TESMIN: variants seen among roughly 807,000 people sequenced by gnomAD.
The protein encoded by TESMIN is CXC domain containing 2.
Under a neutral mutation model 47.4 loss-of-function variants are expected in TESMIN, and 34 were observed. The observed-to-expected ratio is 0.72, with a 90% CI of 0.55 to 0.96. The LOEUF is 0.96. Ranked by LOEUF, TESMIN falls within the 40% of genes least tolerant of loss-of-function variation. The pLI is 0.00. For missense variants in TESMIN, 610 were observed against 637.2 expected, an observed-to-expected ratio of 0.96 and a Z score of 0.46; for synonymous variants, 278 against 258.9, an observed-to-expected ratio of 1.07 and a Z score of -0.71.
chr11:68,725,190 C>T (rs1021006985), intron 6 of TESMIN, among the ~76,000 whole-genome samples: 8 of 152,184 alleles, frequency 5.3e-5, no homozygotes, highest in African/African-American at 1.9e-4. Context: ...GCTGACGGGG[C>T]TGCACTGCAG....
chr11:68,736,192 A>G (rs998261167), intron 6 of TESMIN: 1 of 985,366 alleles, frequency 1.0e-6, no homozygotes, highest in Non-Finnish European at 1.2e-6. Context: ...AGCATCAACA[A>G]TGTGTCAGAA....
chr11:68,715,977 C>T (rs550756642), intron 6 of TESMIN, 38 bp from the exon 7 acceptor site: 22 of 1,355,664 alleles, frequency 1.6e-5, no homozygotes, highest in Admixed American at 3.4e-5. Flanking sequence ...CAGGCACAGA[C>T]GGCACAGTGA....
Position 68,710,906 on chromosome 11 carries a change from T to A in TESMIN, c.1302A>T (p.Lys434Asn), listed in dbSNP as rs769636925. ...LEGSHYLPPT[K>N]FSGLPRFSHD... ...GACTGAATCTTGGAAGTCCTGAAAA[T>A]TTCGTTGGTGGCAGGTAATGGCTGC... The change falls in exon 9 of 10, where the codon AAA becomes AAT. Residue 434 changes from lysine to asparagine, a missense_variant. By Grantham distance (94) the Lys-to-Asn change is moderately conservative. Transcript: ENST00000255087. The A allele has an allele frequency of 6.2e-7, 1 of 1,613,548 alleles. No homozygotes were observed. Among genetic ancestry groups the A allele is most frequent in the Non-Finnish European group, 8.5e-7 (1 of 1,179,912 alleles).
chr11:68,706,508 C>T (rs571373494), downstream of TESMIN, among the ~76,000 whole-genome samples: 9 of 152,346 alleles, frequency 5.9e-5, no homozygotes, highest in East Asian at 7.7e-4. Flanking sequence ...CCTAGGCAGC[C>T]GTTGCCTCAG....
intron 6 of TESMIN, chr11:68,733,582 A>C (rs1281343619): frequency 6.6e-6 from 1 of 152,190 alleles, no homozygotes; most frequent in Non-Finnish European, 1.5e-5. Context: ...GTTTCTCTAG[A>C]CTATGCTCCA....
chr11:68,708,064 G>A lies in TESMIN; in HGVS notation c.*244C>T, dbSNP rs1340163513. 3.9e-6 allele frequency: 2 copies of A among 509,672 alleles called. No individual in the cohort carries two copies. Among genetic ancestry groups the A allele is most frequent in the South Asian group, 2.1e-5 (1 of 46,998 alleles). The allele number at this position is 509,672 out of a possible 1,614,324, so 31.6% of individuals were successfully genotyped here. A position where few individuals can be genotyped will look rare whatever the true frequency, so the allele number is the denominator to read the frequency against. Reference sequence around the variant, plus strand: ...CCGCCGCCCTGCAGACACTCTCCCAGGACTATGGGAACCCAAGCTCTCTCC... The same window carrying A: ...CCGCCGCCCTGCAGACACTCTCCCAAGACTATGGGAACCCAAGCTCTCTCC... On this transcript the variant is annotated 3_prime_UTR_variant, in exon 10 of 10. Coordinates refer to ENST00000255087, the MANE Select transcript of TESMIN (RefSeq NM_004923.3).
At chr11:68,745,788 G>A (rs539102874) in intron 3 of TESMIN, among the ~76,000 whole-genome samples, 50 of 152,300 alleles carry the variant, frequency 3.3e-4, no homozygotes, top group African/African-American at 1.2e-3. Context: ...ATAAATAAAT[G>A]GTCGCAAGCC....
At chr11:68,734,783 A>G (rs1946368138) in intron 6 of TESMIN, among the ~76,000 whole-genome samples, 1 of 152,206 alleles carries the variant, frequency 6.6e-6, no homozygotes, top group Non-Finnish European at 1.5e-5. Flanking sequence ...GGTAACTAAT[A>G]CAAACGCCCT....
chr11:68,716,267 G>C (rs936980709), intron 6 of TESMIN, among the ~76,000 whole-genome samples: 1 of 152,208 alleles, frequency 6.6e-6, no homozygotes, highest in Non-Finnish European at 1.5e-5. Context: ...TCCCAGGAGC[G>C]CAATAAGTTT....
rs529706694 is a variant in TESMIN, at chr11:68,729,708, T to G, written c.917+8992A>C. On this transcript the variant is annotated intron_variant, in intron 6 of 9. Transcript: ENST00000255087. ...CTGTAATGAATGAGGAATTGCCTCT[T>G]ACAGATGAGCAGAGAAAGCAGTTTC... Among the ~76,000 whole-genome samples, 3 of 152,302 alleles carry G rather than the reference T, an allele frequency of 2.0e-5. No individual in the cohort carries two copies. The South Asian group carries it at 6.2e-4, about 32-fold the overall frequency.
At chr11:68,736,134 C>T in intron 6 of TESMIN, 1 of 985,352 alleles carries the variant, frequency 1.0e-6, no homozygotes, top group South Asian at 4.7e-5. Flanking sequence ...GAGAAGCGGA[C>T]TCTTGAATAT....
chr11:68,738,868 A>G lies in TESMIN; in HGVS notation c.829-80T>C, dbSNP rs144802246. Reference sequence around the variant, plus strand: ...CAGTCAGCCAGCCCCCTAGATAAAAATGATTCTTTTTTTCCCTAAAGGTTT... The same window carrying G: ...CAGTCAGCCAGCCCCCTAGATAAAAGTGATTCTTTTTTTCCCTAAAGGTTT... On this transcript the variant is annotated intron_variant, in intron 5 of 9. Transcript: ENST00000255087. 195 of 1,263,282 alleles carry G rather than the reference A, an allele frequency of 1.5e-4. 2 individuals are homozygous for G. The East Asian group carries it at 4.6e-3, about 30-fold the overall frequency. The allele number at this position is 1,263,282 out of a possible 1,614,324, so 78.3% of individuals were successfully genotyped here.
At chr11:68,747,792 G>C (rs1946540366) in intron 2 of TESMIN, among the ~76,000 whole-genome samples, 1 of 152,180 alleles carries the variant, frequency 6.6e-6, no homozygotes, top group East Asian at 1.9e-4. Context: ...AAATGGTGGA[G>C]AGTAGGGAGT....
At chr11:68,744,851 C>G in intron 4 of TESMIN, 140 bp downstream of exon 4, 3 of 620,696 alleles carry the variant, frequency 4.8e-6, no homozygotes, top group Non-Finnish European at 7.9e-6. Flanking sequence ...ATATTCTTAG[C>G]TTACTAATAT....
At chr11:68,748,921 C>T (rs1271215290) in intron 2 of TESMIN, among the ~76,000 whole-genome samples, 6 of 152,146 alleles carry the variant, frequency 3.9e-5, no homozygotes, top group Admixed American at 1.3e-4. Flanking sequence ...CTGCAGCCTT[C>T]GCCTCCCAGG....
At chr11:68,738,858 C>A in intron 5 of TESMIN, 70 bp from the exon 6 acceptor site, 1 of 1,345,000 alleles carries the variant, frequency 7.4e-7, no homozygotes, top group East Asian at 2.3e-5. Flanking sequence ...AGCCAGCCCC[C>A]TAGATAAAAA....
intron 6 of TESMIN, among the ~76,000 whole-genome samples, chr11:68,716,839 G>A (rs917772744): frequency 9.8e-5 from 15 of 152,354 alleles, no homozygotes; most frequent in African/African-American, 3.4e-4. Flanking sequence ...GCGCCCCAGA[G>A]AGCCACCCCA....
At chr11:68,723,228 A>AT (rs1347416060) in intron 6 of TESMIN, among the ~76,000 whole-genome samples, 1 of 152,114 alleles carries the variant, frequency 6.6e-6, no homozygotes, top group Non-Finnish European at 1.5e-5. Context: ...AATGAAAAGA[A>AT]TTAACTAAAA....
intron 3 of TESMIN, among the ~76,000 whole-genome samples, chr11:68,745,968 G>A (rs1946515251): frequency 6.6e-6 from 1 of 152,220 alleles, no homozygotes; most frequent in African/African-American, 2.4e-5. Context: ...ACACAGAGCA[G>A]CTGTGCTTTA....
Sources: gnomAD v4.1 joint callset for allele counts (sites outside exome capture counted in the v4.1 genomes callset) on GRCh38, gnomAD v4.1.1 for gene constraint, MANE v1.5 for transcripts, NCBI Gene and HGNC (gene_info 2026-07-23, HGNC 2026-07-21) for gene names.